Variants in EYS observed in about 807,000 individuals in gnomAD.
EYS encodes the protein EGF-like photoreceptor maintenance factor, also known as protein eyes shut homolog.
Under a neutral mutation model 282.1 loss-of-function variants are expected in EYS, and 250 were observed. That is an observed-to-expected ratio of 0.89 (90% CI 0.80 to 0.98). The LOEUF is 0.98. Among genes scored for constraint, EYS ranks in the 50% least tolerant of loss-of-function variants. The pLI is 0.00. For missense variants in EYS, 4,016 were observed against 3,709.0 expected (o/e 1.08, Z -2.15); for synonymous variants, 1,355 against 1,282.9 (o/e 1.06, Z -1.20).
chr6:65,371,146 C>T (rs1265256424), intron 8 of EYS, among the ~76,000 whole-genome samples: 4 of 151,586 alleles, frequency 2.6e-5, no homozygotes, highest in Non-Finnish European at 5.9e-5. Context: ...ATGATGGTGG[C>T]CTCTGTATGA....
intron 13 of EYS, among the ~76,000 whole-genome samples, chr6:65,034,646 C>T (rs1389288158): frequency 6.6e-6 from 1 of 152,120 alleles, no homozygotes; most frequent in Non-Finnish European, 1.5e-5. Flanking sequence ...TGTAAGATTT[C>T]TGAGGCCTCC....
chr6:64,737,246 C>T (rs1772214322), intron 22 of EYS, among the ~76,000 whole-genome samples: 1 of 152,154 alleles, frequency 6.6e-6, no homozygotes, highest in Non-Finnish European at 1.5e-5. Context: ...ACAGCCTAAT[C>T]AAATATCATT....
intron 13 of EYS, among the ~76,000 whole-genome samples, chr6:65,053,929 G>A (rs572721475): frequency 6.6e-6 from 1 of 151,998 alleles, no homozygotes; most frequent in Non-Finnish European, 1.5e-5. Flanking sequence ...CATTGTTTAT[G>A]TGTACTATTT....
At chr6:65,258,433 T>A (rs1382418708) in intron 12 of EYS, among the ~76,000 whole-genome samples, 1 of 152,056 alleles carries the variant, frequency 6.6e-6, no homozygotes, top group Non-Finnish European at 1.5e-5. Flanking sequence ...GAAGTTTTGA[T>A]TATTGACGTA....
chr6:65,010,803 G>C (rs145396560), intron 13 of EYS, among the ~76,000 whole-genome samples: 3,257 of 152,306 alleles, frequency 0.021, 47 homozygotes, highest in Middle Eastern at 0.088. Flanking sequence ...GCAATATGGA[G>C]AGAAAGGGAA....
At chr6:65,391,829 T>C (rs1340006452) in intron 7 of EYS, among the ~76,000 whole-genome samples, 4 of 152,082 alleles carry the variant, frequency 2.6e-5, no homozygotes, top group Non-Finnish European at 5.9e-5. Context: ...ACTTTAAAGT[T>C]CATATGGAAC....
chr6:63,754,101 T>G (rs1313966029), intron 41 of EYS, among the ~76,000 whole-genome samples: 2 of 152,218 alleles, frequency 1.3e-5, no homozygotes, highest in Non-Finnish European at 2.9e-5. Context: ...TTTATCTAAA[T>G]TATATACTCA....
At chr6:64,756,826 T>C (rs1772950979) in intron 22 of EYS, among the ~76,000 whole-genome samples, 1 of 150,562 alleles carries the variant, frequency 6.6e-6, no homozygotes, top group African/African-American at 2.4e-5. Flanking sequence ...AATTTTAAAA[T>C]AACAATAACA....
At chr6:64,682,722 T>C (rs962883237) in intron 22 of EYS, among the ~76,000 whole-genome samples, 2 of 152,168 alleles carry the variant, frequency 1.3e-5, no homozygotes, top group South Asian at 2.1e-4. Flanking sequence ...AGGATCAAGG[T>C]TGAACATCGC....
At chr6:65,671,386 G>A (rs1768386262) in intron 1 of EYS, among the ~76,000 whole-genome samples, 1 of 151,760 alleles carries the variant, frequency 6.6e-6, no homozygotes, top group South Asian at 2.1e-4. Context: ...CTAAAATTTG[G>A]TTGACTAACA....
intron 33 of EYS, among the ~76,000 whole-genome samples, chr6:64,026,978 A>G (rs1010972331): frequency 6.6e-6 from 1 of 152,192 alleles, no homozygotes; most frequent in African/African-American, 2.4e-5. Context: ...GACCTCACTT[A>G]GAGAGATGTC....
At chr6:64,985,484 C>T (rs1368251402) in intron 14 of EYS, among the ~76,000 whole-genome samples, 2 of 151,464 alleles carry the variant, frequency 1.3e-5, no homozygotes, top group East Asian at 1.9e-4. Flanking sequence ...TTCTAAGCTG[C>T]TCTAGAAGAA....
chr6:64,168,002 C>A (rs1764349228), intron 31 of EYS, among the ~76,000 whole-genome samples: 1 of 152,156 alleles, frequency 6.6e-6, no homozygotes, highest in South Asian at 2.1e-4. Flanking sequence ...GTGGCTCACG[C>A]CTGTAATCGC....
At chr6:65,315,374 G>A (rs1769271129) in intron 11 of EYS, among the ~76,000 whole-genome samples, 1 of 152,092 alleles carries the variant, frequency 6.6e-6, no homozygotes, top group Admixed American at 6.6e-5. Context: ...GATGAACATT[G>A]CTGTAAAACT....
At chr6:65,482,980 C>A (rs1431014354) in intron 5 of EYS, among the ~76,000 whole-genome samples, 1 of 151,994 alleles carries the variant, frequency 6.6e-6, no homozygotes, top group East Asian at 1.9e-4. Flanking sequence ...TTAACATTTC[C>A]TGGCATTAAT....
At chr6:64,920,249 G>T (rs1414076230) in intron 15 of EYS, among the ~76,000 whole-genome samples, 1 of 151,972 alleles carries the variant, frequency 6.6e-6, no homozygotes, top group Non-Finnish European at 1.5e-5. Context: ...GACAACACTT[G>T]CTCAAAAAGG....
intron 2 of EYS, among the ~76,000 whole-genome samples, chr6:65,552,868 A>G (rs891026981): frequency 6.7e-6 from 1 of 148,908 alleles, no homozygotes; most frequent in Non-Finnish European, 1.5e-5. Flanking sequence ...CAAATTTGTG[A>G]TCAGAGGCAA....
rs1766229011 is a variant in EYS at position 65,495,575 on chromosome 6, G to A, written c.-165C>T. ...AGCTTTGATGACAATGTGCTTTGAT[G>A]GAGAAACAGGAATTCAAATGTTGTA... On this transcript the variant is annotated 5_prime_UTR_variant, in exon 4 of 43. Coordinates refer to ENST00000503581, the MANE Select transcript of EYS (RefSeq NM_001142800.2). 1 of 647,778 alleles carries A rather than the reference G, an allele frequency of 1.5e-6. No homozygotes were observed. Among genetic ancestry groups the A allele is most frequent in the Non-Finnish European group, 2.7e-6 (1 of 374,690 alleles). 40.1% of individuals were successfully genotyped at this position (647,778 alleles called of 1,614,324 possible).
rs151148595 is a variant in EYS, at chr6:63,997,568, C to G, written c.6834+1507G>C. Among the ~76,000 whole-genome samples the G allele has an allele frequency of 5.8e-3, 886 of 152,302 alleles. 6 individuals carry two copies. Among genetic ancestry groups the G allele is most frequent in the Middle Eastern group, 0.037 (11 of 294 alleles). On this transcript the variant is annotated intron_variant, in intron 34 of 42. Coordinates refer to ENST00000503581, the MANE Select transcript of EYS (RefSeq NM_001142800.2). ...GCTTTAGAGTGCCTACATGCATTCT[C>G]TCTTTACCACCCTAAAATTATCCAG... is the stretch of plus-strand genomic sequence containing the variant.
Sources: allele counts gnomAD v4.1 joint callset (sites outside exome capture counted in the v4.1 genomes callset), GRCh38; gene constraint gnomAD v4.1.1; transcripts MANE v1.5; gene names NCBI Gene and HGNC (gene_info 2026-07-23, HGNC 2026-07-21).